The following NKAIN3 variants were observed in gnomAD, a reference collection of about 807,000 sequenced individuals.
NKAIN3 encodes sodium/potassium transporting ATPase interacting 3.
Under a neutral mutation model 30.2 loss-of-function variants are expected in NKAIN3, and 25 were observed. The observed-to-expected ratio is 0.83, with a 90% confidence interval of 0.60 to 1.16. The LOEUF is 1.16. Among genes scored for constraint, NKAIN3 ranks in the 50% most tolerant of loss-of-function variants. The pLI is 0.00. For missense variants in NKAIN3, 225 were observed against 254.1 expected (o/e 0.89, Z 0.78); for synonymous variants, 91 against 89.6 (o/e 1.02, Z -0.09).
chr8:62,703,666 T>C (rs1456727965), intron 3 of NKAIN3, among the ~76,000 whole-genome samples: 2 of 152,180 alleles, frequency 1.3e-5, no homozygotes, highest in Non-Finnish European at 2.9e-5. Flanking sequence ...GTCTCCCTCT[T>C]GCTTGGTTTT....
chr8:62,371,216 A>ATC (rs1563368980), intron 1 of NKAIN3, among the ~76,000 whole-genome samples: 1 of 151,606 alleles, frequency 6.6e-6, no homozygotes, highest in Non-Finnish European at 1.5e-5. Flanking sequence ...GTTTTCTTAT[A>ATC]TCTCTCTCTC....
At chr8:62,597,483 T>C (rs1810868229) in intron 3 of NKAIN3, among the ~76,000 whole-genome samples, 1 of 152,050 alleles carries the variant, frequency 6.6e-6, no homozygotes, top group Non-Finnish European at 1.5e-5. Flanking sequence ...TTTTCACTTT[T>C]TGTTAATAGG....
At chr8:62,350,602 G>A (rs1816150187) in intron 1 of NKAIN3, among the ~76,000 whole-genome samples, 1 of 152,076 alleles carries the variant, frequency 6.6e-6, no homozygotes, top group South Asian at 2.1e-4. Flanking sequence ...ACTAATAAAT[G>A]GTTAAAGTGT....
In NKAIN3 at chr8:62,345,560, T is replaced by C. The variant is rs13262147; in HGVS notation, c.54+96433T>C. Among the ~76,000 whole-genome samples, 334 of 123,212 alleles carry C rather than the reference T, an allele frequency of 2.7e-3. 17 individuals carry two copies. The highest frequency in any genetic ancestry group is 5.2e-3 in the East Asian group (24 of 4,592). The allele number at this position is 123,212 out of a possible 152,430, so 80.8% of individuals were successfully genotyped here. A position where few individuals can be genotyped will look rare whatever the true frequency, so the allele number is the denominator to read the frequency against. ...ACATATATACACATATATGTATATATACACATATATACACATATATGTATA... is the reference window on the plus strand; with the variant it reads ...ACATATATACACATATATGTATATACACACATATATACACATATATGTATA... On this transcript the variant is annotated intron_variant, in intron 1 of 6. Coordinates refer to ENST00000623646, the MANE Select transcript of NKAIN3 (RefSeq NM_001304533.3).
intron 3 of NKAIN3, among the ~76,000 whole-genome samples, chr8:62,645,089 A>G (rs7003224): frequency 0.48 from 73,182 of 151,982 alleles, 20,692 homozygotes; most frequent in African/African-American, 0.79. Flanking sequence ...TCTCTTGATG[A>G]TCTGATTCCA....
chr8:62,753,447 A>G (rs897362282), intron 4 of NKAIN3, among the ~76,000 whole-genome samples: 2 of 152,120 alleles, frequency 1.3e-5, no homozygotes, highest in African/African-American at 4.8e-5. Flanking sequence ...AAGGGTCATT[A>G]TTCATAATAC....
intron 1 of NKAIN3, among the ~76,000 whole-genome samples, chr8:62,541,615 G>A (rs980563449): frequency 6.6e-6 from 1 of 151,888 alleles, no homozygotes; most frequent in Non-Finnish European, 1.5e-5. Context: ...AAACTTCCAT[G>A]ATTTTGATAT....
At chr8:62,610,468 G>A (rs1175263232) in intron 3 of NKAIN3, among the ~76,000 whole-genome samples, 2 of 152,054 alleles carry the variant, frequency 1.3e-5, no homozygotes, top group African/African-American at 4.8e-5. Flanking sequence ...TAGTAGTAGA[G>A]GTGGTGCATG....
At chr8:62,261,238 G>T (rs1215166803) in intron 1 of NKAIN3, among the ~76,000 whole-genome samples, 1 of 152,074 alleles carries the variant, frequency 6.6e-6, no homozygotes, top group Non-Finnish European at 1.5e-5. Flanking sequence ...CTGTAAAATT[G>T]TTTAAACATA....
Position 62,996,211 on chromosome 8 carries a change from A to G in NKAIN3, c.533-3020A>G, listed in dbSNP as rs190351402. Reference sequence around the variant, plus strand: ...AGTTCTGCATGACTGGGGAGGCCTCAGAAAACTTACAATCATGACAGAAGG... The same window carrying G: ...AGTTCTGCATGACTGGGGAGGCCTCGGAAAACTTACAATCATGACAGAAGG... On this transcript the variant is annotated intron_variant, in intron 5 of 5. Transcript: ENST00000519049. Among the ~76,000 whole-genome samples the G allele has an allele frequency of 4.6e-5, 7 of 150,610 alleles. No individual in the cohort carries two copies. The East Asian group carries it at 1.3e-3, about 29-fold the overall frequency.
chr8:62,645,983 A>G (rs1422675673), intron 3 of NKAIN3, among the ~76,000 whole-genome samples: 1 of 152,086 alleles, frequency 6.6e-6, no homozygotes, highest in Non-Finnish European at 1.5e-5. Context: ...TGTGTTTTCT[A>G]GTTGATTATT....
intron 3 of NKAIN3, among the ~76,000 whole-genome samples, chr8:62,602,457 A>C (rs947000913): frequency 6.6e-6 from 1 of 152,126 alleles, no homozygotes; most frequent in Non-Finnish European, 1.5e-5. Flanking sequence ...AATAATCATG[A>C]AATGGTTTTA....
At position 62,835,715 on chromosome 8, in the gene NKAIN3, A is replaced by C. The variant is rs369485223; in HGVS notation, c.472-82738A>C. Among the ~76,000 whole-genome samples the C allele has an allele frequency of 7.2e-5, 11 of 152,268 alleles. No homozygotes were observed. The East Asian group carries it at 1.5e-3, about 21-fold the overall frequency. ...ACAGATGCTGGTGAGGCTGTGAAGA[A>C]AAAGAAACACTTACACCCTGCTGGT... On this transcript the variant is annotated intron_variant, in intron 4 of 6. Coordinates refer to ENST00000623646, the MANE Select transcript of NKAIN3 (RefSeq NM_001304533.3).
intron 1 of NKAIN3, among the ~76,000 whole-genome samples, chr8:62,391,521 A>G (rs137955592): frequency 6.6e-6 from 1 of 152,208 alleles, no homozygotes; most frequent in African/African-American, 2.4e-5. Context: ...GCAGCATTTA[A>G]ATAGGGACAA....
At chr8:62,938,593 C>T (rs1410135213) in intron 5 of NKAIN3, among the ~76,000 whole-genome samples, 1 of 151,480 alleles carries the variant, frequency 6.6e-6, no homozygotes, top group East Asian at 1.9e-4. Flanking sequence ...CAGACACACC[C>T]CAGTACCAGC....
intron 6 of NKAIN3, among the ~76,000 whole-genome samples, chr8:62,964,265 A>G (rs1295712867): frequency 6.6e-6 from 1 of 152,180 alleles, no homozygotes; most frequent in Non-Finnish European, 1.5e-5. Flanking sequence ...GGTTTGGATT[A>G]GCTAAGACTT....
At chr8:62,515,359 T>A (rs1310552589) in intron 1 of NKAIN3, among the ~76,000 whole-genome samples, 1 of 152,160 alleles carries the variant, frequency 6.6e-6, no homozygotes, top group Non-Finnish European at 1.5e-5. Flanking sequence ...GATGCCTACT[T>A]GCAGTTCCAT....
intron 3 of NKAIN3, among the ~76,000 whole-genome samples, chr8:62,597,884 G>C (rs149549544): frequency 2.0e-5 from 3 of 151,638 alleles, no homozygotes; most frequent in East Asian, 3.9e-4. Flanking sequence ...TTTTAGTTTT[G>C]TTTTTGTTCA....
At chr8:62,462,874 A>AT (rs1289518890) in intron 1 of NKAIN3, among the ~76,000 whole-genome samples, 25 of 152,188 alleles carry the variant, frequency 1.6e-4, no homozygotes, top group African/African-American at 6.0e-4. Flanking sequence ...TGCACTTCAC[A>AT]TATGGGCTTT....
Sources: allele counts gnomAD v4.1 joint callset (sites outside exome capture counted in the v4.1 genomes callset), GRCh38; gene constraint gnomAD v4.1.1; transcripts MANE v1.5; gene names NCBI Gene and HGNC (gene_info 2026-07-23, HGNC 2026-07-21).